Variants in SMAP2 observed in about 807,000 individuals in gnomAD.
SMAP2 encodes small ArfGAP2, also known as stromal membrane-associated protein 2.
Under a neutral mutation model 56.4 loss-of-function variants are expected in SMAP2, and 25 were observed. The ratio of observed to expected loss-of-function variants is 0.44; its 90% CI spans 0.32 to 0.62. SMAP2 has a LOEUF of 0.62. Ranked by LOEUF, SMAP2 falls within the 20% of genes least tolerant of loss-of-function variation. The pLI is 0.04. For synonymous variants in SMAP2, 157 were observed against 181.7 expected, an observed-to-expected ratio of 0.86 and a Z score of 1.09; for missense variants, 388 against 545.6, an observed-to-expected ratio of 0.71 and a Z score of 2.88.
intron 6 of SMAP2, 21 bp from the exon 7 acceptor site, chr1:40,415,251 A>G: frequency 6.3e-7 from 1 of 1,574,964 alleles, no homozygotes; most frequent in South Asian, 1.1e-5. Context: ...GCTGCATCTT[A>G]ACTTCGATCT....
chr1:40,414,263 TC>T (rs1644965641), intron 6 of SMAP2, 23 bp downstream of exon 6: 1 of 1,608,856 alleles, frequency 6.2e-7, no homozygotes, highest in East Asian at 2.2e-5. Flanking sequence ...CTTTTCAGCT[TC>T]CATGTTCTTA....
At chr1:40,359,793 GA>G (rs1013217480) in intron 1 of SMAP2, among the ~76,000 whole-genome samples, 4 of 151,850 alleles carry the variant, frequency 2.6e-5, no homozygotes, top group Non-Finnish European at 5.9e-5. Context: ...GACAAGCAAA[GA>G]AAAAAACTAA....
rs1446925919 is a variant in SMAP2 at position 40,374,973 on chromosome 1, G to A, written c.103+750G>A. On this transcript the variant is annotated intron_variant, in intron 1 of 9. Transcript: ENST00000372718. This position sits in a 1 kb window ranked among gnomAD's most constrained non-coding sequence, Gnocchi z 5.9. ...GTTTAATCAGTGGAGAGAGAAAGATGAATTCGATGAATTCATTGCTTCCAT... is the reference window on the plus strand; with the variant it reads ...GTTTAATCAGTGGAGAGAGAAAGATAAATTCGATGAATTCATTGCTTCCAT... The A allele has an allele frequency of 4.1e-6, 4 of 985,194 alleles. No homozygotes were observed. In the African/African-American group the frequency reaches 7.0e-5, roughly 17 times the overall value. The allele number at this position is 985,194 out of a possible 1,614,324, so 61.0% of individuals were successfully genotyped here. A position where few individuals can be genotyped will look rare whatever the true frequency, so the allele number is the denominator to read the frequency against.
intron 1 of SMAP2, among the ~76,000 whole-genome samples, chr1:40,352,522 A>G (rs965451178): frequency 6.6e-6 from 1 of 151,914 alleles, no homozygotes; most frequent in African/African-American, 2.4e-5. Context: ...AAAATATTTT[A>G]ATTTAAAAAG....
At position 40,352,766 on chromosome 1, in the gene SMAP2, G is replaced by A. The variant is rs373645544; in HGVS notation, c.-83+7856G>A. ...TGGTCTCAAACTCCTGGCCTCAAGCGATCCTCCCTCCTTGGCCTCCTAAAG... is the reference window on the plus strand; with the variant it reads ...TGGTCTCAAACTCCTGGCCTCAAGCAATCCTCCCTCCTTGGCCTCCTAAAG... On this transcript the variant is annotated intron_variant, in intron 1 of 6. Transcript: ENST00000435168. Among the ~76,000 whole-genome samples, 14 of 152,112 alleles carry A rather than the reference G, an allele frequency of 9.2e-5. 1 individual carries two copies. The highest frequency in any genetic ancestry group is 5.8e-4 in the East Asian group (3 of 5,182).
At position 40,406,777 on chromosome 1, in the gene SMAP2, A is replaced by G; in HGVS notation, c.145A>G (p.Ile49Val). The G allele has an allele frequency of 1.9e-6, 3 of 1,614,124 alleles. No homozygotes were observed. The highest frequency in any genetic ancestry group is 2.5e-6 in the Non-Finnish European group (3 of 1,179,972). ...ASWNIGVFIC[I>V]RCAGIHRNLG... is the part of the protein sequence containing the mutation. ...TTGGAACATTGGTGTGTTCATCTGC[A>G]TTCGATGTGCTGGAATCCACAGGAA... The change falls in exon 2 of 10, where the codon ATT becomes GTT. Residue 49 changes from isoleucine to valine, a missense_variant. By Grantham distance (29) the Ile-to-Val change is conservative. Coordinates refer to ENST00000372718, the MANE Select transcript of SMAP2 (RefSeq NM_022733.3).
At chr1:40,370,087 CA>C (rs1387567664), upstream of SMAP2, among the ~76,000 whole-genome samples, 159 of 10,808 alleles carry the variant, frequency 0.015, 2 homozygotes, top group Admixed American at 0.021. Context: ...TTTATGCAGC[CA>C]AAAAACACAT....
chr1:40,365,157 C>CGTGGGCGAGAGCACT (rs1644476892), intron 2 of SMAP2: 1 of 162,126 alleles, frequency 6.2e-6, no homozygotes. Flanking sequence ...CTGAGAGCAC[C>CGTGGGCGAGAGCACT]GTGGGCAAGC....
At chr1:40,400,303 G>A (rs547906088) in intron 1 of SMAP2, among the ~76,000 whole-genome samples, 1 of 152,326 alleles carries the variant, frequency 6.6e-6, no homozygotes, top group South Asian at 2.1e-4. Context: ...ACTATGTTAA[G>A]GATTTTGTTA....
At chr1:40,391,618 G>A (rs1401509011) in intron 1 of SMAP2, among the ~76,000 whole-genome samples, 1 of 152,012 alleles carries the variant, frequency 6.6e-6, no homozygotes, top group Admixed American at 6.6e-5. Context: ...AGCTTCCTAG[G>A]GGAAAAAAAT....
At position 40,421,986 on chromosome 1, in the gene SMAP2, A is replaced by G; in HGVS notation, c.1175A>G (p.Gln392Arg). The G allele has an allele frequency of 6.2e-7, 1 of 1,614,188 alleles. No homozygotes were observed. The highest frequency in any genetic ancestry group is 8.5e-7 in the Non-Finnish European group (1 of 1,180,006). ...LQWNLTQMTQQMAGMNFYGAN... is the reference protein window; with the variant it reads ...LQWNLTQMTQRMAGMNFYGAN... ...CTCTCTCCCTTTCAGATGACCCAGC[A>G]GATGGCTGGGATGAACTTCTATGGA... The change falls in exon 10 of 10, where the codon CAG becomes CGG. Residue 392 changes from glutamine to arginine, a missense_variant. Transcript: ENST00000372718.
At chr1:40,393,273 C>G in intron 1 of SMAP2, 1 of 1,473,118 alleles carries the variant, frequency 6.8e-7, no homozygotes, top group Non-Finnish European at 9.0e-7. Flanking sequence ...CTGCACTGCA[C>G]TCTAGCTTGG....
At chr1:40,375,109 T>C (rs1027471993) in intron 1 of SMAP2, 2 of 984,830 alleles carry the variant, frequency 2.0e-6, no homozygotes, top group South Asian at 4.7e-5. Flanking sequence ...TAAAAGTCAG[T>C]ACAATAGGAA....
At chr1:40,380,784 C>G (rs562847886) in intron 1 of SMAP2, among the ~76,000 whole-genome samples, 2 of 152,170 alleles carry the variant, frequency 1.3e-5, no homozygotes, top group African/African-American at 2.4e-5. Flanking sequence ...CCACCTTAGC[C>G]TCCCAAAGTG....
chr1:40,397,361 A>C (rs1252597639), intron 1 of SMAP2, among the ~76,000 whole-genome samples: 3 of 152,156 alleles, frequency 2.0e-5, no homozygotes, highest in East Asian at 3.9e-4. Flanking sequence ...GAGATTTTAC[A>C]ATTTCTGGAT....
At chr1:40,379,064 C>A (rs561745576) in intron 1 of SMAP2, among the ~76,000 whole-genome samples, 10 of 151,638 alleles carry the variant, frequency 6.6e-5, no homozygotes, top group African/African-American at 2.4e-4. Flanking sequence ...ACTGCAACCT[C>A]TCCCTCCTGG....
chr1:40,399,301 C>T (rs1039003723), intron 1 of SMAP2, among the ~76,000 whole-genome samples: 8 of 133,172 alleles, frequency 6.0e-5, no homozygotes, highest in Non-Finnish European at 1.6e-5. Context: ...TGTGCCACTA[C>T]GTGTGGCTAT....
In SMAP2 at chr1:40,408,107, G is replaced by T. The variant is rs1291690804; in HGVS notation, c.238-546G>T. 6.6e-6 allele frequency among the ~76,000 whole-genome samples: 1 copy of T among 152,104 alleles called. No homozygotes were observed. Among genetic ancestry groups the T allele is most frequent in the African/African-American group, 2.4e-5 (1 of 41,404 alleles). On this transcript the variant is annotated intron_variant, in intron 2 of 9. Coordinates refer to ENST00000372718, the MANE Select transcript of SMAP2 (RefSeq NM_022733.3). The surrounding 1 kb of genome is among the most constrained non-coding windows in gnomAD (Gnocchi z 4.3). Reference sequence around the variant, plus strand: ...GATTGTATTTATAGATGTATTAAAGGTCTAAAAAGGTGAGTTACATTTTTC... The same window carrying T: ...GATTGTATTTATAGATGTATTAAAGTTCTAAAAAGGTGAGTTACATTTTTC...
Position 40,408,814 on chromosome 1 carries a change from T to C in SMAP2, c.323+76T>C. On this transcript the variant is annotated intron_variant, in intron 3 of 9. Transcript: ENST00000372718. This position sits in a 1 kb window ranked among gnomAD's most constrained non-coding sequence, Gnocchi z 4.3. ...GGAGAGTCAGACAAGACTCCAGTCC[T>C]GTAATGTGACTGGGTCATCTCTATG... is the stretch of plus-strand genomic sequence containing the variant. The C allele has an allele frequency of 8.6e-7, 1 of 1,157,390 alleles. No individual in the cohort carries two copies. The highest frequency in any genetic ancestry group is 1.3e-6 in the Non-Finnish European group (1 of 770,040). The allele number at this position is 1,157,390 out of a possible 1,614,324, so 71.7% of individuals were successfully genotyped here.
Sources: gnomAD v4.1 joint callset for allele counts (sites outside exome capture counted in the v4.1 genomes callset) on GRCh38, gnomAD v4.1.1 for gene constraint, Gnocchi (gnomAD v3.1) non-coding constraint, MANE v1.5 for transcripts, NCBI Gene and HGNC (gene_info 2026-07-23, HGNC 2026-07-21) for gene names.